ASB4: variants seen among roughly 807,000 people sequenced by gnomAD.
ASB4 encodes ankyrin repeat and SOCS box protein 4.
ASB4 carries 35 observed loss-of-function variants against 38.6 expected under a neutral mutation model. The ratio of observed to expected loss-of-function variants is 0.91; its 90% CI spans 0.69 to 1.20. The LOEUF is 1.20. ASB4 is among the 50% of genes most tolerant of loss of function. The probability of loss-of-function intolerance (pLI) is 0.00; values close to 1 mark genes in which losing one functional copy is unlikely to be tolerated. For missense variants in ASB4, 557 were observed against 527.2 expected, an observed-to-expected ratio of 1.06 and a Z score of -0.55; for synonymous variants, 195 against 201.3, an observed-to-expected ratio of 0.97 and a Z score of 0.26.
intron 2 of ASB4, among the ~76,000 whole-genome samples, chr7:95,520,288 T>G (rs1004174751): frequency 1.3e-5 from 2 of 152,238 alleles, no homozygotes; most frequent in African/African-American, 4.8e-5. Context: ...CATTAACAGC[T>G]GTTCAGCTGA....
At chr7:95,474,841 C>T (rs1418302637), upstream of ASB4, among the ~76,000 whole-genome samples, 1 of 152,082 alleles carries the variant, frequency 6.6e-6, no homozygotes. Flanking sequence ...GTTTTTATAT[C>T]ATTATGCATA....
rs752476807 is a variant in ASB4 at position 95,515,209 on chromosome 7, C to CT, written c.488-12601dup. Among the ~76,000 whole-genome samples the CT allele has an allele frequency of 2.5e-4, 32 of 129,514 alleles. 1 individual carries two copies. Among genetic ancestry groups the CT allele is most frequent in the Middle Eastern group, 3.5e-3 (1 of 286 alleles). 85.0% of individuals were successfully genotyped at this position (129,514 alleles called of 152,430 possible). Reference sequence around the variant, plus strand: ...TCTTTCTTTCTTTCTTTCTTTCTTTCTTTCTTTCTTTCTTTCTTTCTTTTT... The same window carrying CT: ...TCTTTCTTTCTTTCTTTCTTTCTTTCTTTTCTTTCTTTCTTTCTTTCTTTTT... On this transcript the variant is annotated intron_variant, in intron 2 of 4. Transcript: ENST00000325885.
chr7:95,480,999 G>A (rs919030074), upstream of ASB4, among the ~76,000 whole-genome samples: 5 of 152,228 alleles, frequency 3.3e-5, no homozygotes, highest in Non-Finnish European at 5.9e-5. Flanking sequence ...TGAGCAATAG[G>A]AACATTGGTT....
chr7:95,524,315 A>G (rs1489903552), intron 2 of ASB4, among the ~76,000 whole-genome samples: 1 of 152,206 alleles, frequency 6.6e-6, no homozygotes, highest in Non-Finnish European at 1.5e-5. Flanking sequence ...AGAACTAAAC[A>G]GCACAAGACA....
At chr7:95,505,717 T>C (rs1790399250) in intron 2 of ASB4, among the ~76,000 whole-genome samples, 1 of 136,254 alleles carries the variant, frequency 7.3e-6, no homozygotes, top group Non-Finnish European at 1.6e-5. Context: ...ATTCATTCCC[T>C]GTCCCTTATG....
chr7:95,492,601 CT>C (rs1160255196), intron 1 of ASB4, among the ~76,000 whole-genome samples: 1 of 152,160 alleles, frequency 6.6e-6, no homozygotes, highest in Non-Finnish European at 1.5e-5. Flanking sequence ...TTCTGTGTTT[CT>C]TTGATTTTAC....
intron 2 of ASB4, among the ~76,000 whole-genome samples, chr7:95,510,383 G>C (rs1790463547): frequency 6.6e-6 from 1 of 151,708 alleles, no homozygotes; most frequent in South Asian, 2.1e-4. Context: ...GATTGAAAAA[G>C]ATATATTGAA....
intron 1 of ASB4, among the ~76,000 whole-genome samples, chr7:95,494,785 G>T (rs1288947874): frequency 3.3e-5 from 5 of 152,132 alleles, no homozygotes; most frequent in Admixed American, 1.3e-4. Context: ...AAAAAGACCA[G>T]CTCAGCGTAT....
intron 1 of ASB4, among the ~76,000 whole-genome samples, chr7:95,487,050 A>C (rs1385387809): frequency 6.6e-6 from 1 of 152,232 alleles, no homozygotes; most frequent in Non-Finnish European, 1.5e-5. Context: ...ATTTAGAGAC[A>C]GTCATTATTT....
chr7:95,503,899 A>T (rs1422300114), intron 2 of ASB4, among the ~76,000 whole-genome samples: 1 of 152,060 alleles, frequency 6.6e-6, no homozygotes, highest in Non-Finnish European at 1.5e-5. Flanking sequence ...CTATTTTTTC[A>T]GTGTTGCAGA....
intron 4 of ASB4, among the ~76,000 whole-genome samples, chr7:95,537,072 G>A (rs1222830994): frequency 1.3e-5 from 2 of 152,234 alleles, no homozygotes; most frequent in Non-Finnish European, 1.5e-5. Context: ...TTGGTTCTTG[G>A]TTTTAGATGT....
intron 1 of ASB4, among the ~76,000 whole-genome samples, chr7:95,488,922 C>T (rs996505897): frequency 1.3e-5 from 2 of 152,190 alleles, no homozygotes; most frequent in African/African-American, 2.4e-5. Context: ...TCTCATGCTA[C>T]TCTTAAATTT....
upstream of ASB4, among the ~76,000 whole-genome samples, chr7:95,478,204 T>C (rs913172027): frequency 1.3e-5 from 2 of 152,184 alleles, no homozygotes; most frequent in African/African-American, 4.8e-5. Context: ...GGAGTACAAT[T>C]GTGAGGTAAA....
chr7:95,533,924 A>G (rs981384726), intron 3 of ASB4, among the ~76,000 whole-genome samples: 4 of 152,158 alleles, frequency 2.6e-5, no homozygotes, highest in African/African-American at 9.7e-5. Context: ...ATGATCCTCT[A>G]TCTTTTCCAT....
intron 2 of ASB4, among the ~76,000 whole-genome samples, chr7:95,508,604 G>A (rs1205630133): frequency 2.0e-5 from 3 of 152,282 alleles, no homozygotes; most frequent in Admixed American, 6.5e-5. Context: ...AGGTGGCACA[G>A]GTGGTTTTTG....
intron 2 of ASB4, among the ~76,000 whole-genome samples, chr7:95,503,728 G>A (rs1282213209): frequency 6.6e-6 from 1 of 152,182 alleles, no homozygotes; most frequent in African/African-American, 2.4e-5. Flanking sequence ...TTAAGCTCAG[G>A]ACCACAGAAG....
At position 95,504,574 on chromosome 7, in the gene ASB4, G is replaced by GT. The variant is rs548383047; in HGVS notation, c.487+8518dup. 5.1e-3 allele frequency among the ~76,000 whole-genome samples: 781 copies of GT among 152,278 alleles called. 7 individuals carry two copies. Among genetic ancestry groups the GT allele is most frequent in the Middle Eastern group, 0.034 (10 of 294 alleles). ...CCTGAGGATTTTTGCCACATCTGCT[G>GT]TATTGTGAGTACCACCTGTGCAATA... On this transcript the variant is annotated intron_variant, in intron 2 of 4. Transcript: ENST00000325885.
the ASB4 span, among the ~76,000 whole-genome samples, chr7:95,549,672 T>G: frequency 6.6e-6 from 1 of 152,172 alleles, no homozygotes; most frequent in African/African-American, 2.4e-5. Context: ...CAGTCTGTTT[T>G]TAAGATACTC....
chr7:95,477,117 T>TC (rs1037023147), upstream of ASB4, among the ~76,000 whole-genome samples: 3 of 151,966 alleles, frequency 2.0e-5, no homozygotes, highest in East Asian at 1.9e-4. Flanking sequence ...TTTTTTTTTT[T>TC]CCCCAGGATA....
Sources: allele counts gnomAD v4.1 joint callset (sites outside exome capture counted in the v4.1 genomes callset), GRCh38; gene constraint gnomAD v4.1.1; transcripts MANE v1.5; gene names NCBI Gene and HGNC (gene_info 2026-07-23, HGNC 2026-07-21).